The following LIMD1 variants were observed in gnomAD, a reference collection of about 807,000 sequenced individuals.
LIMD1 encodes the protein LIM domain-containing protein 1.
A neutral mutation model predicts 58.4 loss-of-function variants in LIMD1; 23 were observed. The ratio of observed to expected loss-of-function variants is 0.39; its 90% CI spans 0.28 to 0.56. The LOEUF (loss-of-function observed/expected upper bound fraction) is 0.56. LIMD1 is among the 20% of genes least tolerant of loss of function. The pLI, the probability that LIMD1 is intolerant of heterozygous loss-of-function variation, is 0.57. For missense variants in LIMD1, 838 were observed against 855.5 expected (o/e 0.98, Z 0.25); for synonymous variants, 334 against 345.5 (o/e 0.97, Z 0.37).
chr3:45,618,262 G>A (rs1701593522), intron 1 of LIMD1, among the ~76,000 whole-genome samples: 1 of 152,172 alleles, frequency 6.6e-6, no homozygotes, highest in Non-Finnish European at 1.5e-5. Flanking sequence ...GATTGCGTGC[G>A]TCATTCATTC....
chr3:45,643,681 T>C (rs947050192), intron 2 of LIMD1, among the ~76,000 whole-genome samples: 9 of 152,168 alleles, frequency 5.9e-5, no homozygotes, highest in African/African-American at 1.9e-4. Flanking sequence ...TAGGTAAATA[T>C]ACTCTCCCCG....
intron 4 of LIMD1, among the ~76,000 whole-genome samples, chr3:45,669,734 C>A (rs1258538360): frequency 6.6e-6 from 1 of 152,136 alleles, no homozygotes; most frequent in Non-Finnish European, 1.5e-5. Context: ...CATGCTGTTA[C>A]CTGTATTGGT....
Position 45,594,839 on chromosome 3 carries a change from A to ACACACACACC in LIMD1, c.-36_-35insACACCCACAC. ...CACACACACACACACACACACACAC[A>ACACACACACC]CACACGGCACCTGGGCTAGGCCCGG... On this transcript the variant is annotated 5_prime_UTR_variant, in exon 1 of 8. Transcript: ENST00000273317. 8.0e-7 allele frequency: 1 copy of ACACACACACC among 1,244,558 alleles called. No homozygotes were observed. Among genetic ancestry groups the ACACACACACC allele is most frequent in the Admixed American group, 2.0e-5 (1 of 50,820 alleles). 77.1% of individuals were successfully genotyped at this position (1,244,558 alleles called of 1,614,324 possible). A position where few individuals can be genotyped will look rare whatever the true frequency, so the allele number is the denominator to read the frequency against.
At chr3:45,665,563 T>C in intron 2 of LIMD1, 87 bp from the exon 3 acceptor site, 3 of 1,066,748 alleles carry the variant, frequency 2.8e-6, no homozygotes, top group Non-Finnish European at 2.9e-6. Context: ...TATTTCTGCC[T>C]AAAGATTTTG....
At chr3:45,657,738 C>A (rs1259507959) in intron 2 of LIMD1, among the ~76,000 whole-genome samples, 1 of 152,136 alleles carries the variant, frequency 6.6e-6, no homozygotes, top group African/African-American at 2.4e-5. Flanking sequence ...CCTCAATTTC[C>A]TTACTTATGA....
At chr3:45,617,034 A>AT (rs35895557) in intron 1 of LIMD1, among the ~76,000 whole-genome samples, 39,424 of 114,082 alleles carry the variant, frequency 0.35, 7,333 homozygotes, top group South Asian at 0.64. Context: ...TGCCTGGCCT[A>AT]TTTTTTTTTT....
chr3:45,602,251 G>A (rs1005730413), intron 1 of LIMD1, among the ~76,000 whole-genome samples: 1 of 152,100 alleles, frequency 6.6e-6, no homozygotes, highest in Non-Finnish European at 1.5e-5. Flanking sequence ...CCCGGCCTGG[G>A]CTGTGGACTT....
intron 1 of LIMD1, among the ~76,000 whole-genome samples, chr3:45,602,156 G>C (rs34877991): frequency 0.31 from 47,331 of 151,878 alleles, 9,080 homozygotes; most frequent in Middle Eastern, 0.49. Flanking sequence ...CACTGTGTTA[G>C]CCAGGATGGT....
At position 45,672,717 on chromosome 3, in the gene LIMD1, C is replaced by G; in HGVS notation, c.1669C>G (p.His557Asp). Residue 557 changes from histidine to aspartate, a missense_variant, in exon 5 of 8, where the codon CAC (histidine) becomes GAC (aspartate). By Grantham distance (81) the His-to-Asp change is moderately conservative. Transcript: ENST00000273317. ...CCTGCAAGCCCTGGGGAAGTCCTAC[C>G]ACCCCGGCTGTTTCCGCTGTGTCAT... is the stretch of plus-strand genomic sequence containing the variant. The part of the protein sequence containing the change: ...MILQALGKSY[H>D]PGCFRCVICN... 6.2e-7 allele frequency: 1 copy of G among 1,613,988 alleles called. No individual in the cohort carries two copies. The highest frequency in any genetic ancestry group is 1.3e-5 in the African/African-American group (1 of 75,018).
At chr3:45,672,573 G>T (rs1697600575) in intron 4 of LIMD1, 117 bp from the exon 5 acceptor site, 2 of 1,174,266 alleles carry the variant, frequency 1.7e-6, no homozygotes, top group Admixed American at 4.0e-5. Context: ...GAAACTCGGG[G>T]GTAAGTGTAC....
At chr3:45,668,392 AGGT>A in intron 4 of LIMD1, 36 bp downstream of exon 4, 1 of 1,467,454 alleles carries the variant, frequency 6.8e-7, no homozygotes, top group Non-Finnish European at 9.5e-7. Context: ...ACAGCATCTC[AGGT>A]GGAGGAGGAG....
At position 45,684,974 on chromosome 3, in the gene LIMD1, G is replaced by A. The variant is rs1311539774; in HGVS notation, c.*7915G>A. ...AAGAAAAGCCTTACCAAGGACTCCT[G>A]TACCCTATCTGCCTAAATTTTTTTT... is the stretch of plus-strand genomic sequence containing the variant. On this transcript the variant is annotated 3_prime_UTR_variant, in exon 8 of 8. Transcript: ENST00000273317. 6.6e-6 allele frequency: 1 copy of A among 152,172 alleles called. No individual in the cohort carries two copies. The highest frequency in any genetic ancestry group is 1.5e-5 in the Non-Finnish European group (1 of 68,032). 9.4% of individuals were successfully genotyped at this position (152,172 alleles called of 1,614,324 possible).
chr3:45,622,987 A>C (rs1189535480), intron 1 of LIMD1, among the ~76,000 whole-genome samples: 1 of 152,138 alleles, frequency 6.6e-6, no homozygotes, highest in East Asian at 1.9e-4. Context: ...TTTTTGATGC[A>C]TCATGCCAAA....
chr3:45,596,337 GA>G, intron 1 of LIMD1, 50 bp downstream of exon 1: 1 of 1,438,636 alleles, frequency 7.0e-7, no homozygotes, highest in East Asian at 2.4e-5. Context: ...TGGGGTTCTT[GA>G]GATTGGGGAA....
chr3:45,651,556 A>G (rs1701974557), intron 2 of LIMD1, among the ~76,000 whole-genome samples: 1 of 152,154 alleles, frequency 6.6e-6, no homozygotes, highest in South Asian at 2.1e-4. Context: ...ACATATGGCT[A>G]GCCAGTTTTC....
chr3:45,634,255 T>C (rs1481033895), intron 1 of LIMD1, among the ~76,000 whole-genome samples: 1 of 152,166 alleles, frequency 6.6e-6, no homozygotes, highest in African/African-American at 2.4e-5. Context: ...TATTCCTCCG[T>C]GAATCTTTTT....
At chr3:45,640,809 T>A (rs906982693) in intron 2 of LIMD1, among the ~76,000 whole-genome samples, 3 of 152,220 alleles carry the variant, frequency 2.0e-5, no homozygotes, top group Non-Finnish European at 4.4e-5. Flanking sequence ...AGAACAGAGT[T>A]GCTGAAGGAA....
chr3:45,604,762 G>T (rs190577873), intron 1 of LIMD1, among the ~76,000 whole-genome samples: 1 of 152,110 alleles, frequency 6.6e-6, no homozygotes, highest in East Asian at 1.9e-4. Context: ...TAGCCCTGGC[G>T]CGTCCCGACA....
intron 2 of LIMD1, among the ~76,000 whole-genome samples, chr3:45,641,448 A>G (rs1055429410): frequency 1.3e-5 from 2 of 150,828 alleles, no homozygotes; most frequent in African/African-American, 4.9e-5. Flanking sequence ...AATTATGAAA[A>G]TCTAGTTTAA....
Sources: gnomAD v4.1 joint callset for allele counts (sites outside exome capture counted in the v4.1 genomes callset) on GRCh38, gnomAD v4.1.1 for gene constraint, MANE v1.5 for transcripts, NCBI Gene and HGNC (gene_info 2026-07-23, HGNC 2026-07-21) for gene names.